PLCZ1: variants seen among roughly 807,000 people sequenced by gnomAD.
The protein encoded by PLCZ1 is phospholipase C zeta 1, also known as 1-phosphatidylinositol 4,5-bisphosphate phosphodiesterase zeta-1.
Under a neutral mutation model 76.8 loss-of-function variants are expected in PLCZ1, and 64 were observed. The ratio of observed to expected loss-of-function variants is 0.83; its 90% CI spans 0.68 to 1.03. The LOEUF (loss-of-function observed/expected upper bound fraction) is 1.03. PLCZ1 is among the 50% of genes least tolerant of loss of function. The pLI is 0.00. For synonymous variants in PLCZ1, 248 were observed against 230.8 expected (o/e 1.07, Z -0.68); for missense variants, 751 against 713.7 (o/e 1.05, Z -0.60).
intron 12 of PLCZ1, among the ~76,000 whole-genome samples, chr12:18,694,464 CAT>C (rs1179438412): frequency 2.0e-5 from 3 of 152,176 alleles, no homozygotes; most frequent in Admixed American, 6.5e-5. Context: ...TATTCACAGA[CAT>C]ATGGGGGGAA....
At chr12:18,660,735 T>C in the PLCZ1 span, among the ~76,000 whole-genome samples, 2 of 152,096 alleles carry the variant, frequency 1.3e-5, no homozygotes, top group African/African-American at 4.8e-5. Context: ...ATTAGATTCA[T>C]ATATATAGCT....
At chr12:18,673,618 A>G in the PLCZ1 span, among the ~76,000 whole-genome samples, 1 of 152,200 alleles carries the variant, frequency 6.6e-6, no homozygotes, top group Non-Finnish European at 1.5e-5. Context: ...GCAGCTTAAA[A>G]GAATACGCAT....
At chr12:18,664,003 A>G in the PLCZ1 span, among the ~76,000 whole-genome samples, 1 of 152,190 alleles carries the variant, frequency 6.6e-6, no homozygotes, top group Non-Finnish European at 1.5e-5. Context: ...AAACATGCTC[A>G]ACATCACTAA....
chr12:18,662,505 A>C, the PLCZ1 span, among the ~76,000 whole-genome samples: 2 of 152,124 alleles, frequency 1.3e-5, no homozygotes, highest in African/African-American at 4.8e-5. Flanking sequence ...ACAGTTTAAA[A>C]AAAAGGCTTT....
At chr12:18,671,682 G>A in the PLCZ1 span, among the ~76,000 whole-genome samples, 1 of 152,234 alleles carries the variant, frequency 6.6e-6, no homozygotes. Flanking sequence ...ACAATTTATG[G>A]AAAGGAAAGG....
chr12:18,713,540 C>T lies in PLCZ1; in HGVS notation c.570-554G>A, dbSNP rs1299337512. ...CTCTCTGGAAACAGTGTTGGCTACA[C>T]AGTATGGAAGCTAGAGGGCCTGGTG... On this transcript the variant is annotated intron_variant, in intron 5 of 14. Coordinates refer to ENST00000266505, the MANE Select transcript of PLCZ1 (RefSeq NM_033123.4). Among the ~76,000 whole-genome samples, 3 of 152,108 alleles carry T rather than the reference C, an allele frequency of 2.0e-5. No homozygotes were observed. In the East Asian group the frequency reaches 5.8e-4, roughly 29 times the overall value.
chr12:18,683,289 C>T lies in PLCZ1; in HGVS notation c.1777G>A (p.Glu593Lys). The T allele has an allele frequency of 6.2e-7, 1 of 1,612,610 alleles. No individual in the cohort carries two copies. Among genetic ancestry groups the T allele is most frequent in the Non-Finnish European group, 8.5e-7 (1 of 1,179,044 alleles). Residue 593 changes from glutamate to lysine, a missense_variant, in exon 15 of 15, where the codon GAG (glutamate) becomes AAG (lysine). Physicochemically the swap from Glu to Lys is moderately conservative, Grantham distance 56. Coordinates refer to ENST00000266505, the MANE Select transcript of PLCZ1 (RefSeq NM_033123.4). ...AACAGTGAAGCAGGCTCAAGGCTCTCACCCATTCTGGAAAACAGAGGAATA... is the reference window on the plus strand; with the variant it reads ...AACAGTGAAGCAGGCTCAAGGCTCTTACCCATTCTGGAAAACAGAGGAATA... ...RRIPLFSRMG[E>K]SLEPASLFVY...
chr12:18,686,620 A>T (rs893263644), intron 13 of PLCZ1, among the ~76,000 whole-genome samples: 3 of 152,036 alleles, frequency 2.0e-5, no homozygotes, highest in African/African-American at 7.2e-5. Flanking sequence ...AATTCTACTC[A>T]TTCTCCAAGA....
chr12:18,672,674 G>A, the PLCZ1 span, among the ~76,000 whole-genome samples: 1 of 152,106 alleles, frequency 6.6e-6, no homozygotes, highest in Non-Finnish European at 1.5e-5. Flanking sequence ...CAGAAGGGTA[G>A]CAAGTCACAT....
At chr12:18,724,370 A>AG (rs1381014438) in intron 3 of PLCZ1, among the ~76,000 whole-genome samples, 1 of 152,196 alleles carries the variant, frequency 6.6e-6, no homozygotes, top group African/African-American at 2.4e-5. Context: ...AGGGAGAGTT[A>AG]GAAAAACTGG....
At chr12:18,650,712 CT>C in the PLCZ1 span, among the ~76,000 whole-genome samples, 1 of 14,620 alleles carries the variant, frequency 6.8e-5, no homozygotes, top group Non-Finnish European at 1.2e-4. Context: ...GTGTATATAT[CT>C]ATATATATAT....
chr12:18,700,859 T>C (rs1008323926), intron 9 of PLCZ1, among the ~76,000 whole-genome samples: 9 of 152,214 alleles, frequency 5.9e-5, no homozygotes, highest in African/African-American at 1.9e-4. Flanking sequence ...TTATGTATTA[T>C]TAATATTGAA....
At chr12:18,650,389 G>A in the PLCZ1 span, among the ~76,000 whole-genome samples, 1 of 130,090 alleles carries the variant, frequency 7.7e-6, no homozygotes, top group African/African-American at 3.2e-5. Context: ...GTGTGTCTGT[G>A]TATACACACA....
At chr12:18,646,197 T>C in the PLCZ1 span, among the ~76,000 whole-genome samples, 2 of 152,212 alleles carry the variant, frequency 1.3e-5, no homozygotes, top group Admixed American at 6.5e-5. Context: ...CATGCAGATT[T>C]TATTTAATGA....
At position 18,686,578 on chromosome 12, in the gene PLCZ1, G is replaced by A. The variant is rs554554136; in HGVS notation, c.1591+1511C>T. Among the ~76,000 whole-genome samples, 1,050 of 151,992 alleles carry A rather than the reference G, an allele frequency of 6.9e-3. 8 individuals carry two copies. The highest frequency in any genetic ancestry group is 0.024 in the African/African-American group (1,002 of 41,480). On this transcript the variant is annotated intron_variant, in intron 13 of 14. Transcript: ENST00000266505. Reference sequence around the variant, plus strand: ...TTTTAAGACTTATATTATGGCTTCTGCCTTAAATGTCCTTGTCCCCAATCT... The same window carrying A: ...TTTTAAGACTTATATTATGGCTTCTACCTTAAATGTCCTTGTCCCCAATCT...
chr12:18,728,389 C>T (rs1958870201), intron 3 of PLCZ1, among the ~76,000 whole-genome samples: 2 of 152,086 alleles, frequency 1.3e-5, no homozygotes, highest in African/African-American at 2.4e-5. Flanking sequence ...AGATGATGAA[C>T]AAATGGTGCC....
chr12:18,737,983 A>T lies in PLCZ1; in HGVS notation c.-190T>A, dbSNP rs996657691. ...GCTAAGTTCTTAAAATCTTCAAAAG[A>T]GGTATAGCTGGTTGGCTGGGCACCA... On this transcript the variant is annotated 5_prime_UTR_variant, in exon 1 of 15. Transcript: ENST00000266505. The T allele has an allele frequency of 2.4e-6, 1 of 414,560 alleles. No individual in the cohort carries two copies. The highest frequency in any genetic ancestry group is 4.3e-6 in the Non-Finnish European group (1 of 233,694). The allele number at this position is 414,560 out of a possible 1,614,324, so 25.7% of individuals were successfully genotyped here.
At chr12:18,683,692 G>A in intron 14 of PLCZ1, 1 of 1,157,116 alleles carries the variant, frequency 8.6e-7, no homozygotes, top group Non-Finnish European at 1.2e-6. Flanking sequence ...AATCACCCTG[G>A]AAAGGTGACT....
intron 5 of PLCZ1, among the ~76,000 whole-genome samples, chr12:18,718,424 A>T (rs1464799292): frequency 6.6e-6 from 1 of 152,038 alleles, no homozygotes; most frequent in Non-Finnish European, 1.5e-5. Context: ...GCTGGGATAA[A>T]ATCTATTCTC....
Sources: gnomAD v4.1 joint callset for allele counts (sites outside exome capture counted in the v4.1 genomes callset) on GRCh38, gnomAD v4.1.1 for gene constraint, MANE v1.5 for transcripts, NCBI Gene and HGNC (gene_info 2026-07-23, HGNC 2026-07-21) for gene names.